RASGRF2: variants seen among roughly 807,000 people sequenced by gnomAD.
RASGRF2 encodes Ras protein specific guanine nucleotide releasing factor 2.
In RASGRF2, 76 loss-of-function variants were observed where a neutral mutation model predicts 151.0. That is an observed-to-expected ratio of 0.50 (90% CI 0.42 to 0.61). The LOEUF is 0.61. RASGRF2 is among the 20% of genes least tolerant of loss of function. The probability of loss-of-function intolerance (pLI) is 0.00; values close to 1 mark genes in which losing one functional copy is unlikely to be tolerated. For missense variants in RASGRF2, 1,148 were observed against 1,564.6 expected (o/e 0.73, Z 4.49); for synonymous variants, 504 against 566.5 (o/e 0.89, Z 1.57).
At chr5:81,117,725 T>C (rs1289783408) in intron 15 of RASGRF2, among the ~76,000 whole-genome samples, 1 of 152,180 alleles carries the variant, frequency 6.6e-6, no homozygotes, top group African/African-American at 2.4e-5. Flanking sequence ...CTGAATCAGA[T>C]ACGGGTGAGA....
At position 80,975,313 on chromosome 5, in the gene RASGRF2, AT is replaced by A. The variant is rs200410389; in HGVS notation, c.288+14298del. 2.5e-3 allele frequency among the ~76,000 whole-genome samples: 364 copies of A among 145,274 alleles called. 1 individual carries two copies. The highest frequency in any genetic ancestry group is 0.023 in the East Asian group (112 of 4,952). On this transcript the variant is annotated intron_variant, in intron 1 of 26. Transcript: ENST00000265080. ...TTTGCTTAATGATGAGTTCAAACAG[AT>A]TTTTTTTTTTCTTTTTGGCATTGTG...
intron 1 of RASGRF2, among the ~76,000 whole-genome samples, chr5:80,987,304 G>T (rs910847690): frequency 1.3e-5 from 2 of 152,128 alleles, no homozygotes; most frequent in African/African-American, 4.8e-5. Flanking sequence ...GAGAGACTTG[G>T]TTCTCACTGG....
At chr5:81,159,558 T>TG (rs1754335682) in intron 17 of RASGRF2, among the ~76,000 whole-genome samples, 1 of 152,132 alleles carries the variant, frequency 6.6e-6, no homozygotes, top group South Asian at 2.1e-4. Context: ...TTGCCTGGCT[T>TG]GGGGGTGGGA....
At chr5:81,131,078 TTAACTC>T (rs1753604622) in intron 17 of RASGRF2, among the ~76,000 whole-genome samples, 1 of 152,180 alleles carries the variant, frequency 6.6e-6, no homozygotes, top group Non-Finnish European at 1.5e-5. Context: ...CTCTCAAACA[TTAACTC>T]TAGGCATTTG....
intron 1 of RASGRF2, among the ~76,000 whole-genome samples, chr5:80,965,889 T>C (rs1415789144): frequency 6.6e-6 from 1 of 152,220 alleles, no homozygotes; most frequent in Non-Finnish European, 1.5e-5. Context: ...TACTTAAATA[T>C]GCATGCCACA....
intron 17 of RASGRF2, among the ~76,000 whole-genome samples, chr5:81,133,160 TG>T (rs1753667248): frequency 6.6e-6 from 1 of 152,206 alleles, no homozygotes; most frequent in African/African-American, 2.4e-5. Context: ...TATGAACAGT[TG>T]ACCAGGTGTT....
intron 17 of RASGRF2, 150 bp downstream of exon 17, chr5:81,127,313 C>T (rs750894375): frequency 1.8e-4 from 148 of 803,862 alleles, no homozygotes; most frequent in Non-Finnish European, 2.4e-4. Flanking sequence ...TGCTTGAGAC[C>T]AGTAGTTTGA....
At chr5:81,174,104 A>G (rs563858388) in intron 17 of RASGRF2, among the ~76,000 whole-genome samples, 1 of 152,352 alleles carries the variant, frequency 6.6e-6, no homozygotes, top group South Asian at 2.1e-4. Context: ...GGTGCTACCA[A>G]AAGTTCACAG....
chr5:81,217,347 G>GTCTTGCAGTTGTAACCC lies in RASGRF2; in HGVS notation c.3435-6_3445dup. 6.3e-7 allele frequency: 1 copy of GTCTTGCAGTTGTAACCC among 1,597,008 alleles called. No individual in the cohort carries two copies. Among genetic ancestry groups the GTCTTGCAGTTGTAACCC allele is most frequent in the Non-Finnish European group, 8.5e-7 (1 of 1,174,536 alleles). On this transcript the variant is annotated splice_polypyrimidine_tract_variant and intron_variant, in intron 24 of 26. Transcript: ENST00000265080. ...ATGAGTCTCAGAACAGTGCCTCTTGGTCTTGCAGTTGTAACCCTCCTGCAG... is the reference window on the plus strand; with the variant it reads ...ATGAGTCTCAGAACAGTGCCTCTTGGTCTTGCAGTTGTAACCCTCTTGCAGTTGTAACCCTCCTGCAG...
At chr5:81,006,222 G>C (rs1010369910) in intron 1 of RASGRF2, among the ~76,000 whole-genome samples, 1 of 151,962 alleles carries the variant, frequency 6.6e-6, no homozygotes, top group Non-Finnish European at 1.5e-5. Context: ...ATTTCCTGTC[G>C]AATTTGCCCC....
chr5:81,108,130 T>C (rs1752894168), intron 12 of RASGRF2, among the ~76,000 whole-genome samples: 1 of 152,270 alleles, frequency 6.6e-6, no homozygotes, highest in Non-Finnish European at 1.5e-5. Flanking sequence ...TATTTAATTA[T>C]AGCCACAAAA....
intron 1 of RASGRF2, among the ~76,000 whole-genome samples, chr5:81,041,889 G>C (rs1019764919): frequency 6.6e-6 from 1 of 152,082 alleles, no homozygotes; most frequent in Non-Finnish European, 1.5e-5. Flanking sequence ...GGAAACCCCT[G>C]ATCTGTTCTC....
At chr5:80,975,011 TA>T in intron 1 of RASGRF2, among the ~76,000 whole-genome samples, 1 of 152,322 alleles carries the variant, frequency 6.6e-6, no homozygotes, top group East Asian at 1.9e-4. Flanking sequence ...CCCTAATTTC[TA>T]AAGTATAGCC....
intron 7 of RASGRF2, among the ~76,000 whole-genome samples, chr5:81,084,359 GAA>G (rs1179624602): frequency 6.6e-6 from 1 of 152,148 alleles, no homozygotes; most frequent in East Asian, 1.9e-4. Context: ...AAAGATATTT[GAA>G]AGCACACTTA....
intron 17 of RASGRF2, among the ~76,000 whole-genome samples, chr5:81,152,433 C>T (rs1435834726): frequency 6.6e-6 from 1 of 151,820 alleles, no homozygotes; most frequent in Non-Finnish European, 1.5e-5. Flanking sequence ...TTTAATCCAT[C>T]TAAGAAGAAA....
intron 1 of RASGRF2, among the ~76,000 whole-genome samples, chr5:81,023,993 C>T (rs577110008): frequency 6.6e-6 from 1 of 152,114 alleles, no homozygotes; most frequent in Non-Finnish European, 1.5e-5. Flanking sequence ...GTTGTCTTTT[C>T]GTAAGCGTTA....
At chr5:80,982,237 A>G (rs1037188462) in intron 1 of RASGRF2, among the ~76,000 whole-genome samples, 9 of 152,190 alleles carry the variant, frequency 5.9e-5, no homozygotes, top group Admixed American at 2.6e-4. Context: ...AAAGAAGTTT[A>G]AGGTCTCATC....
intron 18 of RASGRF2, among the ~76,000 whole-genome samples, chr5:81,191,685 C>CT (rs1309842255): frequency 2.6e-5 from 4 of 151,608 alleles, no homozygotes; most frequent in Non-Finnish European, 1.5e-5. Flanking sequence ...AAAAAATTCT[C>CT]TTTTTTTCTG....
chr5:81,083,738 A>G (rs1319487921), intron 7 of RASGRF2, among the ~76,000 whole-genome samples: 3 of 152,226 alleles, frequency 2.0e-5, no homozygotes, highest in Non-Finnish European at 4.4e-5. Flanking sequence ...ATGTGTCGAA[A>G]GTCCATTGGT....
Sources: gnomAD v4.1 joint callset for allele counts (sites outside exome capture counted in the v4.1 genomes callset) on GRCh38, gnomAD v4.1.1 for gene constraint, MANE v1.5 for transcripts, NCBI Gene and HGNC (gene_info 2026-07-23, HGNC 2026-07-21) for gene names.